The following CREB3L2 variants were observed in gnomAD, a reference collection of about 807,000 sequenced individuals.
CREB3L2 encodes cAMP responsive element binding protein 3 like 2.
In CREB3L2, 23 loss-of-function variants were observed where a neutral mutation model predicts 57.2. The ratio of observed to expected loss-of-function variants is 0.40; its 90% confidence interval spans 0.29 to 0.57. CREB3L2 has a LOEUF of 0.57. Ranked by LOEUF, CREB3L2 falls within the 20% of genes least tolerant of loss-of-function variation. CREB3L2 has a pLI of 0.42. For synonymous variants in CREB3L2, 268 were observed against 265.1 expected (o/e 1.01, Z -0.11); for missense variants, 628 against 634.7 (o/e 0.99, Z 0.11).
rs573311821 is a variant in CREB3L2 at position 137,945,784 on chromosome 7, C to T, written c.103-17418G>A. On this transcript the variant is annotated intron_variant, in intron 1 of 11. Transcript: ENST00000330387. The stretch of plus-strand genomic sequence containing the variant: ...AACCTCAAATGCTGGAAAGGAGCTC[C>T]TCTTTATTCACCCGCCTCCTCATGA... Among the ~76,000 whole-genome samples the T allele has an allele frequency of 2.8e-4, 42 of 152,320 alleles. 1 individual carries two copies. The South Asian group carries it at 8.5e-3, about 31-fold the overall frequency.
chr7:137,938,519 T>C (rs1258122466), intron 1 of CREB3L2, among the ~76,000 whole-genome samples: 1 of 152,064 alleles, frequency 6.6e-6, no homozygotes, highest in African/African-American at 2.4e-5. Flanking sequence ...CTAATTTTTG[T>C]ATTTTTAGTA....
intron 8 of CREB3L2, among the ~76,000 whole-genome samples, chr7:137,896,624 T>G (rs1268785962): frequency 1.3e-5 from 2 of 151,770 alleles, no homozygotes; most frequent in African/African-American, 4.8e-5. Flanking sequence ...TCTTAGGAGG[T>G]CCCCGCTACA....
At chr7:137,968,442 C>T (rs1450148584) in intron 1 of CREB3L2, among the ~76,000 whole-genome samples, 2 of 152,018 alleles carry the variant, frequency 1.3e-5, no homozygotes, top group Non-Finnish European at 2.9e-5. Flanking sequence ...CTCCCACTTA[C>T]GAGTGAGAAC....
At chr7:137,990,664 A>G (rs923951555) in intron 1 of CREB3L2, among the ~76,000 whole-genome samples, 1 of 152,148 alleles carries the variant, frequency 6.6e-6, no homozygotes, top group African/African-American at 2.4e-5. Context: ...ATGATTGGTA[A>G]CCTTGGATTT....
intron 1 of CREB3L2, among the ~76,000 whole-genome samples, chr7:137,983,542 T>G (rs1801744300): frequency 6.6e-6 from 1 of 152,210 alleles, no homozygotes; most frequent in African/African-American, 2.4e-5. Flanking sequence ...CAGGCAGGTG[T>G]TGTTAAATTG....
At chr7:137,983,645 A>G (rs1025521429) in intron 1 of CREB3L2, among the ~76,000 whole-genome samples, 3 of 152,222 alleles carry the variant, frequency 2.0e-5, no homozygotes, top group African/African-American at 7.2e-5. Flanking sequence ...CCCTGGTCAA[A>G]GTCAACTCCT....
Position 137,882,486 on chromosome 7 carries a change from C to T in CREB3L2, c.1413G>A (p.Val471=), listed in dbSNP as rs144732810. 6 of 1,613,942 alleles carry T rather than the reference C, an allele frequency of 3.7e-6. No homozygotes were observed. In the African/African-American group the frequency reaches 5.3e-5, roughly 14 times the overall value. ...TCGAGATAATGAAATGGGGAAGATCCACATCCGGCCTGGACTCCAGCCCTG... is the reference window on the plus strand; with the variant it reads ...TCGAGATAATGAAATGGGGAAGATCTACATCCGGCCTGGACTCCAGCCCTG... ...RVSGLESRPD[V]DLPHFIISNE... is the part of the protein sequence containing the mutation. Residue 471 remains valine (V), a synonymous_variant, in exon 11 of 12, where the codon GTG becomes GTA. Coordinates refer to ENST00000330387, the MANE Select transcript of CREB3L2 (RefSeq NM_194071.4).
chr7:137,901,346 A>C lies in CREB3L2; in HGVS notation c.1043+8T>G. 6.5e-7 allele frequency: 1 copy of C among 1,547,020 alleles called. No homozygotes were observed. The highest frequency in any genetic ancestry group is 8.9e-7 in the Non-Finnish European group (1 of 1,120,264). On this transcript the variant is annotated splice_region_variant and intron_variant, in intron 8 of 11. Coordinates refer to ENST00000330387, the MANE Select transcript of CREB3L2 (RefSeq NM_194071.4). ...AGCGCAATCAGCTCTCAGTCCAGTG[A>C]CACTTACCTATTAGTGTTCTCTAGA...
chr7:137,970,795 A>T (rs1166066499), intron 1 of CREB3L2, among the ~76,000 whole-genome samples: 2 of 152,182 alleles, frequency 1.3e-5, no homozygotes, highest in African/African-American at 4.8e-5. Flanking sequence ...AGCAACCGTT[A>T]AACACACTTT....
chr7:137,979,516 G>A (rs1801674606), intron 1 of CREB3L2, among the ~76,000 whole-genome samples: 1 of 152,140 alleles, frequency 6.6e-6, no homozygotes, highest in African/African-American at 2.4e-5. Flanking sequence ...ACGAGGTCAG[G>A]AGATCGAGAC....
At chr7:137,881,330 A>C (rs1799286376) in intron 11 of CREB3L2, among the ~76,000 whole-genome samples, 1 of 152,208 alleles carries the variant, frequency 6.6e-6, no homozygotes, top group African/African-American at 2.4e-5. Flanking sequence ...AAATCTAGAA[A>C]TTTCCGAGCA....
At chr7:137,884,611 C>T (rs1212626714) in intron 10 of CREB3L2, 1 of 508,808 alleles carries the variant, frequency 2.0e-6, no homozygotes, top group African/African-American at 1.9e-5. Context: ...CATTACATTA[C>T]TCATACAATT....
At chr7:137,901,129 A>C (rs1023826156) in intron 8 of CREB3L2, among the ~76,000 whole-genome samples, 1 of 152,206 alleles carries the variant, frequency 6.6e-6, no homozygotes, top group Admixed American at 6.5e-5. Flanking sequence ...ACATGAGAGC[A>C]TGTGTGCATA....
chr7:137,948,709 G>T (rs1333783653), intron 1 of CREB3L2, among the ~76,000 whole-genome samples: 1 of 152,152 alleles, frequency 6.6e-6, no homozygotes, highest in Non-Finnish European at 1.5e-5. Context: ...CACAGCATGA[G>T]TATTAGCACG....
intron 1 of CREB3L2, among the ~76,000 whole-genome samples, chr7:137,956,879 G>C (rs1418973111): frequency 6.6e-6 from 1 of 152,156 alleles, no homozygotes; most frequent in African/African-American, 2.4e-5. Context: ...TCACTTACAG[G>C]AAAGTAGGCA....
At chr7:137,959,906 T>C (rs537504560) in intron 1 of CREB3L2, among the ~76,000 whole-genome samples, 3 of 152,208 alleles carry the variant, frequency 2.0e-5, no homozygotes, top group Non-Finnish European at 4.4e-5. Context: ...TCAGTAACTT[T>C]TCACTTTCAC....
At chr7:137,901,834 G>A (rs1436103299) in intron 7 of CREB3L2, among the ~76,000 whole-genome samples, 5 of 119,532 alleles carry the variant, frequency 4.2e-5, no homozygotes, top group East Asian at 2.6e-4. Flanking sequence ...AGCCAAGATC[G>A]CCACTGCACC....
At chr7:137,996,149 G>A (rs909214369) in intron 1 of CREB3L2, among the ~76,000 whole-genome samples, 2 of 152,248 alleles carry the variant, frequency 1.3e-5, no homozygotes, top group African/African-American at 4.8e-5. Context: ...TCCAAGTGGA[G>A]ATTCACCCTT....
At chr7:137,887,176 T>G (rs1211197204) in intron 8 of CREB3L2, among the ~76,000 whole-genome samples, 1 of 152,210 alleles carries the variant, frequency 6.6e-6, no homozygotes, top group Non-Finnish European at 1.5e-5. Flanking sequence ...GCAGATAACT[T>G]GCTTCTCACC....
Sources: gnomAD v4.1 joint callset for allele counts (sites outside exome capture counted in the v4.1 genomes callset) on GRCh38, gnomAD v4.1.1 for gene constraint, MANE v1.5 for transcripts, NCBI Gene and HGNC (gene_info 2026-07-23, HGNC 2026-07-21) for gene names.